INPP4B: variants seen among roughly 807,000 people sequenced by gnomAD.
The protein encoded by INPP4B is inositol polyphosphate 4-phosphatase type II.
Under a neutral mutation model 122.5 loss-of-function variants are expected in INPP4B, and 55 were observed. The observed-to-expected ratio is 0.45, with a 90% CI of 0.36 to 0.56. The LOEUF (loss-of-function observed/expected upper bound fraction) is 0.56. INPP4B is among the 20% of genes least tolerant of loss of function. The pLI, the probability that INPP4B is intolerant of heterozygous loss-of-function variation, is 0.00. For synonymous variants in INPP4B, 403 were observed against 388.7 expected (o/e 1.04, Z -0.43); for missense variants, 1,000 against 1,097.7 (o/e 0.91, Z 1.26).
At chr4:142,568,861 A>G (rs1440192143) in intron 2 of INPP4B, among the ~76,000 whole-genome samples, 2 of 152,138 alleles carry the variant, frequency 1.3e-5, no homozygotes, top group Non-Finnish European at 2.9e-5. Flanking sequence ...TTAGTAGCTC[A>G]GAGAAATATT....
Position 142,028,731 on chromosome 4 carries a change from T to C in INPP4B, c.*51A>G. 1 of 1,555,932 alleles carries C rather than the reference T, an allele frequency of 6.4e-7. No homozygotes were observed. The highest frequency in any genetic ancestry group is 8.7e-7 in the Non-Finnish European group (1 of 1,148,542). On this transcript the variant is annotated 3_prime_UTR_variant, in exon 26 of 26. Coordinates refer to ENST00000262992, the MANE Select transcript of INPP4B (RefSeq NM_001101669.3). ...CAAACAAAAAAGACCAAGGTGAAGA[T>C]TATCCAACTGAAATGTATTTGTGTT...
intron 23 of INPP4B, among the ~76,000 whole-genome samples, chr4:142,098,854 AT>A (rs1411783440): frequency 6.6e-6 from 1 of 152,080 alleles, no homozygotes; most frequent in Non-Finnish European, 1.5e-5. Context: ...AATAGCAGGT[AT>A]TTAAAGCAAC....
intron 23 of INPP4B, among the ~76,000 whole-genome samples, chr4:142,098,717 G>T (rs1288575181): frequency 2.6e-5 from 4 of 152,152 alleles, no homozygotes; most frequent in Admixed American, 2.6e-4. Context: ...AAACGTAGAT[G>T]GGGAAGACTG....
intron 18 of INPP4B, among the ~76,000 whole-genome samples, chr4:142,131,596 T>C (rs537555411): frequency 3.3e-5 from 5 of 152,348 alleles, no homozygotes; most frequent in Non-Finnish European, 5.9e-5. Context: ...TTATAAATGC[T>C]GAGTAAGCAG....
chr4:142,817,274 G>A (rs1045243245), intron 1 of INPP4B, among the ~76,000 whole-genome samples: 1 of 152,072 alleles, frequency 6.6e-6, no homozygotes, highest in Non-Finnish European at 1.5e-5. Context: ...AGAGTTTTTA[G>A]TGAGGTTTCC....
At chr4:142,578,156 C>G (rs1289679179) in intron 2 of INPP4B, among the ~76,000 whole-genome samples, 1 of 151,906 alleles carries the variant, frequency 6.6e-6, no homozygotes, top group Non-Finnish European at 1.5e-5. Flanking sequence ...GTGAATGACA[C>G]AAAAATTGAA....
intron 2 of INPP4B, among the ~76,000 whole-genome samples, chr4:142,565,736 T>C (rs1731480318): frequency 6.6e-6 from 1 of 152,168 alleles, no homozygotes; most frequent in East Asian, 1.9e-4. Context: ...AGTGCCTTTG[T>C]AGTGAAGAAA....
intron 2 of INPP4B, among the ~76,000 whole-genome samples, chr4:142,579,498 T>C (rs1257217561): frequency 6.6e-6 from 1 of 151,978 alleles, no homozygotes; most frequent in African/African-American, 2.4e-5. Flanking sequence ...TGGCTTTTGA[T>C]GAGATTAACA....
chr4:142,303,598 G>T (rs190826977), intron 9 of INPP4B, among the ~76,000 whole-genome samples: 175 of 152,100 alleles, frequency 1.2e-3, no homozygotes, highest in African/African-American at 4.0e-3. Flanking sequence ...AAGAGGCTAC[G>T]ATAAATCTAT....
rs186971488 is a variant in INPP4B at position 142,528,270 on chromosome 4, A to G, written c.-190-65544T>C. On this transcript the variant is annotated intron_variant, in intron 2 of 25. Transcript: ENST00000262992. ...CTCAGTTTCTGTGGATCAGGAATTCATACACTTCTTATCTGGCTCAAGTGC... is the reference window on the plus strand; with the variant it reads ...CTCAGTTTCTGTGGATCAGGAATTCGTACACTTCTTATCTGGCTCAAGTGC... Among the ~76,000 whole-genome samples the G allele has an allele frequency of 9.3e-4, 141 of 152,186 alleles. 1 individual carries two copies. Among genetic ancestry groups the G allele is most frequent in the African/African-American group, 3.1e-3 (129 of 41,554 alleles).
intron 7 of INPP4B, among the ~76,000 whole-genome samples, chr4:142,387,139 C>A (rs1477121512): frequency 2.0e-5 from 3 of 152,040 alleles, no homozygotes; most frequent in Admixed American, 1.3e-4. Flanking sequence ...CCTCTTACAT[C>A]CCACTGGGTC....
intron 1 of INPP4B, among the ~76,000 whole-genome samples, chr4:142,731,038 G>A (rs1005858038): frequency 2.0e-5 from 3 of 152,052 alleles, no homozygotes; most frequent in South Asian, 2.1e-4. Flanking sequence ...TTAGGTAAAC[G>A]CGTGCCATGC....
chr4:142,409,988 T>G (rs1804261323), intron 5 of INPP4B, among the ~76,000 whole-genome samples: 1 of 152,224 alleles, frequency 6.6e-6, no homozygotes, highest in Admixed American at 6.5e-5. Context: ...AAAATACTGC[T>G]TTTTATAAAA....
At chr4:142,255,510 A>T (rs1250814399) in intron 11 of INPP4B, among the ~76,000 whole-genome samples, 1 of 152,182 alleles carries the variant, frequency 6.6e-6, no homozygotes, top group Non-Finnish European at 1.5e-5. Flanking sequence ...ATGGAGGAAG[A>T]TCTACCAAGC....
intron 5 of INPP4B, among the ~76,000 whole-genome samples, chr4:142,422,010 T>C (rs941058175): frequency 6.6e-6 from 1 of 152,060 alleles, no homozygotes; most frequent in African/African-American, 2.4e-5. Context: ...TCAGCTTAGA[T>C]CCTGACTCCA....
At chr4:142,098,755 A>T (rs1783177455) in intron 23 of INPP4B, among the ~76,000 whole-genome samples, 1 of 152,172 alleles carries the variant, frequency 6.6e-6, no homozygotes, top group African/African-American at 2.4e-5. Flanking sequence ...TTAAGGGCTT[A>T]TCAGGAACAA....
intron 2 of INPP4B, among the ~76,000 whole-genome samples, chr4:142,654,316 C>T (rs1465471781): frequency 7.1e-6 from 1 of 141,374 alleles, no homozygotes; most frequent in Non-Finnish European, 1.5e-5. Context: ...CACATGTATA[C>T]CTATGTATGA....
intron 2 of INPP4B, among the ~76,000 whole-genome samples, chr4:142,464,155 C>G (rs1306755743): frequency 6.6e-6 from 1 of 152,074 alleles, no homozygotes; most frequent in Non-Finnish European, 1.5e-5. Context: ...TACTATATAT[C>G]ATGCTATTTA....
At chr4:142,172,383 T>C (rs1826042892) in intron 16 of INPP4B, among the ~76,000 whole-genome samples, 1 of 151,918 alleles carries the variant, frequency 6.6e-6, no homozygotes. Context: ...ATTCTGATGA[T>C]TAAATAAAAT....
Sources: allele counts gnomAD v4.1 joint callset (sites outside exome capture counted in the v4.1 genomes callset), GRCh38; gene constraint gnomAD v4.1.1; transcripts MANE v1.5; gene names NCBI Gene and HGNC (gene_info 2026-07-23, HGNC 2026-07-21).